Variants in MYO9B observed in about 807,000 individuals in gnomAD.
The protein encoded by MYO9B is myosin IXB, also known as unconventional myosin-IXb.
MYO9B carries 71 observed loss-of-function variants against 229.5 expected under a neutral mutation model. That is an observed-to-expected ratio of 0.31 (90% CI 0.26 to 0.38). The LOEUF (loss-of-function observed/expected upper bound fraction) is 0.38. Among genes scored for constraint, MYO9B ranks in the 10% least tolerant of loss-of-function variants. The pLI is 1.00. For missense variants in MYO9B, 2,255 were observed against 2,920.5 expected (o/e 0.77, Z 5.25); for synonymous variants, 1,185 against 1,235.8 (o/e 0.96, Z 0.86).
In MYO9B at chr19:17,101,323, G is replaced by A. The variant is rs1031088373; in HGVS notation, c.-58-337G>A. Among the ~76,000 whole-genome samples, 1 of 151,792 alleles carries A rather than the reference G, an allele frequency of 6.6e-6. No individual in the cohort carries two copies. The highest frequency in any genetic ancestry group is 1.5e-5 in the Non-Finnish European group (1 of 67,940). On this transcript the variant is annotated intron_variant, in intron 1 of 39. Transcript: ENST00000682292. The surrounding 1 kb of genome is among the most constrained non-coding windows in gnomAD (Gnocchi z 4.7). The stretch of plus-strand genomic sequence containing the variant: ...CTCCTGAGGAGCTGGGACCACAGGC[G>A]AGCACCACTATGCCTTTATTTTTTG...
At chr19:17,122,086 A>G (rs1451971395) in intron 2 of MYO9B, among the ~76,000 whole-genome samples, 3 of 152,170 alleles carry the variant, frequency 2.0e-5, no homozygotes, top group Non-Finnish European at 4.4e-5. Context: ...AACCTTTCCA[A>G]ATGAGCTGAA....
Position 17,195,356 on chromosome 19 carries a change from T to C in MYO9B, c.3929T>C (p.Val1310Ala). 6.2e-7 allele frequency: 1 copy of C among 1,611,970 alleles called. No homozygotes were observed. Among genetic ancestry groups the C allele is most frequent in the South Asian group, 1.1e-5 (1 of 91,064 alleles). ...YLDAERLASA[V>A]ELWRGKKLVA... ...GACGCCGAGCGGCTGGCCAGCGCCG[T>C]GGAACTGTGGCGGGGCAAGAAGCTG... is the stretch of plus-strand genomic sequence containing the variant. Residue 1310 changes from valine to alanine, a missense_variant, in exon 22 of 40, where the codon GTG becomes GCG. This residue lies in a region of MYO9B where 679 missense variants were observed against 770.2 expected (regional missense o/e 0.88). Transcript: ENST00000682292. This position sits in a 1 kb window ranked among gnomAD's most constrained non-coding sequence, Gnocchi z 4.5.
chr19:17,163,219 G>A (rs911064564), intron 10 of MYO9B, 97 bp downstream of exon 10: 17 of 1,326,990 alleles, frequency 1.3e-5, no homozygotes, highest in East Asian at 5.1e-5. Flanking sequence ...TCAGTTCAGC[G>A]GCGGTAAGTA....
rs1427603151 is a variant in MYO9B, at chr19:17,150,665, T to C, written c.936-1979T>C. Among the ~76,000 whole-genome samples the C allele has an allele frequency of 1.8e-5, 2 of 114,188 alleles. 1 individual carries two copies. The highest frequency in any genetic ancestry group is 4.4e-5 in the Non-Finnish European group (2 of 44,996). The allele number at this position is 114,188 out of a possible 152,430, so 74.9% of individuals were successfully genotyped here. Reference sequence around the variant, plus strand: ...GCGAAAGGATCCCACCAGGCCACCCTCTTCCCACAGGGGCCCTGGGCAGCA... The same window carrying C: ...GCGAAAGGATCCCACCAGGCCACCCCCTTCCCACAGGGGCCCTGGGCAGCA... On this transcript the variant is annotated intron_variant, in intron 3 of 39. Transcript: ENST00000682292.
At chr19:17,182,318 G>A (rs996307719) in intron 15 of MYO9B, among the ~76,000 whole-genome samples, 3 of 151,924 alleles carry the variant, frequency 2.0e-5, no homozygotes, top group Admixed American at 1.3e-4. Context: ...AAACTCCTGG[G>A]CTCAAGCGAT....
At chr19:17,145,554 C>T in intron 3 of MYO9B, 63 bp downstream of exon 3, 2 of 1,336,490 alleles carry the variant, frequency 1.5e-6, no homozygotes, top group East Asian at 4.6e-5. Context: ...CTTCCTGACA[C>T]ACACATGGGA....
chr19:17,116,687 G>A (rs956904826), intron 2 of MYO9B, among the ~76,000 whole-genome samples: 1 of 152,130 alleles, frequency 6.6e-6, no homozygotes, highest in Non-Finnish European at 1.5e-5. Context: ...AAGAGGGAAT[G>A]GAGGGAGGGG....
At chr19:17,090,321 G>T (rs1304467058) in intron 1 of MYO9B, among the ~76,000 whole-genome samples, 1 of 150,822 alleles carries the variant, frequency 6.6e-6, no homozygotes, top group Non-Finnish European at 1.5e-5. Flanking sequence ...TTTTTGTGTT[G>T]TTTTTTTTCT....
intron 1 of MYO9B, among the ~76,000 whole-genome samples, chr19:17,094,022 TTGTTGTTGTTGTTG>T (rs1343068234): frequency 9.9e-5 from 3 of 30,278 alleles, no homozygotes; most frequent in African/African-American, 3.6e-4. Flanking sequence ...GGCTTTGTTG[TTGTTGTTGTTGTTG>T]TTGTTGTTGT....
intron 2 of MYO9B, among the ~76,000 whole-genome samples, chr19:17,114,926 T>C (rs1182799159): frequency 7.4e-4 from 52 of 70,140 alleles, no homozygotes; most frequent in African/African-American, 1.5e-3. Context: ...CTTTTCCCCT[T>C]TTTTTTTTTT....
chr19:17,194,458 C>T (rs2073018683), intron 21 of MYO9B, 98 bp from the exon 22 acceptor site: 9 of 1,378,888 alleles, frequency 6.5e-6, no homozygotes, highest in Non-Finnish European at 9.0e-6. Context: ...GGCGAAGCCC[C>T]GTCTGCAGCC....
chr19:17,102,737 C>CAA (rs1197090249), intron 2 of MYO9B, among the ~76,000 whole-genome samples, 180 bp downstream of exon 2: 5 of 132,886 alleles, frequency 3.8e-5, no homozygotes, highest in African/African-American at 1.4e-4. Context: ...CTTTTCTCTA[C>CAA]AAAAAAAAAA....
In MYO9B at chr19:17,156,975, C is replaced by T. The variant is rs1164512914; in HGVS notation, c.1266C>T (p.Gly422=). 6 of 1,613,734 alleles carry T rather than the reference C, an allele frequency of 3.7e-6. No homozygotes were observed. In the Admixed American group the frequency reaches 1.0e-4, roughly 27 times the overall value. ...TCACTTATAAGAAGAGAGCTACAGG[C>T]CGAGAGGAAGGGTTGGAGGTCGGGC... ...GNVTYKKRAT[G]REEGLEVGPP... Residue 422 remains glycine (G), a synonymous_variant, in exon 7 of 40, where the codon GGC becomes GGT. Coordinates refer to ENST00000682292, the MANE Select transcript of MYO9B (RefSeq NM_004145.4).
intron 1 of MYO9B, among the ~76,000 whole-genome samples, chr19:17,079,580 G>T (rs76636196): frequency 6.6e-6 from 1 of 152,022 alleles, no homozygotes; most frequent in Non-Finnish European, 1.5e-5. Flanking sequence ...GGGCCCTTTC[G>T]CCCGCCCGTT....
chr19:17,144,041 G>T (rs1036792936), intron 2 of MYO9B, among the ~76,000 whole-genome samples: 1 of 152,060 alleles, frequency 6.6e-6, no homozygotes, highest in Non-Finnish European at 1.5e-5. Flanking sequence ...ACAAACCTGC[G>T]TGTGTACCCC....
chr19:17,184,152 G>A (rs562002453), intron 16 of MYO9B: 17 of 482,260 alleles, frequency 3.5e-5, no homozygotes, highest in Non-Finnish European at 4.8e-5. Flanking sequence ...AGCTAGGGGC[G>A]TAAGCATAGC....
intron 37 of MYO9B, 151 bp downstream of exon 37, chr19:17,210,531 T>C: frequency 8.0e-7 from 1 of 1,242,910 alleles, no homozygotes; most frequent in Non-Finnish European, 1.1e-6. Context: ...CTGCTGACCT[T>C]CTGTGCTCAG....
chr19:17,127,978 G>A (rs574709904), intron 2 of MYO9B, among the ~76,000 whole-genome samples: 2 of 152,288 alleles, frequency 1.3e-5, no homozygotes, highest in South Asian at 2.1e-4. Flanking sequence ...AAATCCAAGA[G>A]CCGTGAACTA....
rs1262773768 is a variant in MYO9B, at chr19:17,151,018, G to A, written c.936-1626G>A. Reference sequence around the variant, plus strand: ...GGTAAGGCCGGGCGCAGTGGCTCACGCCTCTAATCCCAGCACTTTGGGAGG... The same window carrying A: ...GGTAAGGCCGGGCGCAGTGGCTCACACCTCTAATCCCAGCACTTTGGGAGG... On this transcript the variant is annotated intron_variant, in intron 3 of 39. Transcript: ENST00000682292. 2.0e-5 allele frequency among the ~76,000 whole-genome samples: 3 copies of A among 150,432 alleles called. 1 individual carries two copies. The highest frequency in any genetic ancestry group is 6.7e-5 in the Admixed American group (1 of 15,014).
Sources: gnomAD v4.1 joint callset for allele counts (sites outside exome capture counted in the v4.1 genomes callset) on GRCh38, gnomAD v4.1.1 for gene constraint, gnomAD v4.1.1 regional missense constraint, Gnocchi (gnomAD v3.1) non-coding constraint, MANE v1.5 for transcripts, NCBI Gene and HGNC (gene_info 2026-07-23, HGNC 2026-07-21) for gene names.